IL7: variants seen among roughly 807,000 people sequenced by gnomAD.
The protein encoded by IL7 is interleukin 7.
In IL7, 3 loss-of-function variants were observed where a neutral mutation model predicts 21.6. The observed-to-expected ratio is 0.14, with a 90% CI of 0.06 to 0.36. The LOEUF (loss-of-function observed/expected upper bound fraction) is 0.36, where lower values mean the gene tolerates loss of function less well. IL7 is among the 10% of genes least tolerant of loss of function. IL7 has a pLI of 1.00. For missense variants in IL7, 175 were observed against 200.2 expected (o/e 0.87, Z 0.76); for synonymous variants, 62 against 68.1 (o/e 0.91, Z 0.44).
chr8:78,693,247 A>C (rs1400515006), intron 3 of IL7, among the ~76,000 whole-genome samples: 2 of 152,124 alleles, frequency 1.3e-5, no homozygotes, highest in African/African-American at 4.8e-5. Flanking sequence ...GTATATACCC[A>C]GTAATGGGAT....
At chr8:78,780,677 C>T (rs1326859703) in intron 2 of IL7, among the ~76,000 whole-genome samples, 1 of 151,998 alleles carries the variant, frequency 6.6e-6, no homozygotes, top group Non-Finnish European at 1.5e-5. Context: ...ACAGTAAGTG[C>T]CATGTGGTGC....
intron 3 of IL7, among the ~76,000 whole-genome samples, chr8:78,703,879 A>G (rs1465637035): frequency 6.6e-6 from 1 of 152,142 alleles, no homozygotes; most frequent in African/African-American, 2.4e-5. Context: ...TTACAGTATT[A>G]CTGGTCTGTG....
At chr8:78,776,367 G>A (rs1813139949) in intron 2 of IL7, among the ~76,000 whole-genome samples, 1 of 152,020 alleles carries the variant, frequency 6.6e-6, no homozygotes, top group Non-Finnish European at 1.5e-5. Context: ...ACTCAGAACG[G>A]CACACAATTT....
intron 3 of IL7, chr8:78,698,384 T>C (rs1170420986): frequency 5.8e-6 from 9 of 1,545,750 alleles, no homozygotes; most frequent in Middle Eastern, 3.4e-4. Flanking sequence ...TTTTAGAGTA[T>C]TGTTAAAAAT....
downstream of IL7, among the ~76,000 whole-genome samples, chr8:78,728,022 C>T (rs922458269): frequency 1.3e-5 from 2 of 151,978 alleles, no homozygotes; most frequent in Admixed American, 1.3e-4. Flanking sequence ...TAAAAGCACA[C>T]ATGTGCATAC....
rs569282892 is a variant in IL7, at chr8:78,762,233, G to A, written c.148-22151C>T. 8.2e-6 allele frequency: 13 copies of A among 1,577,740 alleles called. No individual in the cohort carries two copies. The East Asian group carries it at 2.0e-4, about 24-fold the overall frequency. On this transcript the variant is annotated intron_variant, in intron 2 of 5. Transcript: ENST00000263851. ...ATAAGGACCAGTTCTACAGATCATA[G>A]AGGTCTCAAAATGTTTGGCACATAA...
intron 2 of IL7, among the ~76,000 whole-genome samples, chr8:78,743,595 C>A (rs1811873597): frequency 6.6e-6 from 1 of 151,842 alleles, no homozygotes; most frequent in African/African-American, 2.4e-5. Context: ...TTACGAAATT[C>A]TTGTAGTGTG....
At position 78,766,463 on chromosome 8, in the gene IL7, C is replaced by T. The variant is rs375676111; in HGVS notation, c.148-26381G>A. ...TATACTTTCAGCTCAGCATCCTATG[C>T]CTATGCGTGTTAGGTCTGCAGGCAT... On this transcript the variant is annotated intron_variant, in intron 2 of 5. Coordinates refer to ENST00000263851, the MANE Select transcript of IL7 (RefSeq NM_000880.4). Among the ~76,000 whole-genome samples, 8 of 152,190 alleles carry T rather than the reference C, an allele frequency of 5.3e-5. No individual in the cohort carries two copies. In the East Asian group the frequency reaches 9.6e-4, roughly 18 times the overall value.
intron 2 of IL7, 37 bp downstream of exon 2, chr8:78,798,035 T>A (rs577091125): frequency 6.5e-7 from 1 of 1,542,202 alleles, no homozygotes. Context: ...ATTTTCCCAA[T>A]GCATGAAAAT....
chr8:78,747,285 A>G (rs1207026227), intron 2 of IL7, among the ~76,000 whole-genome samples: 2 of 146,676 alleles, frequency 1.4e-5, no homozygotes, highest in Non-Finnish European at 3.0e-5. Context: ...TCCTGGGTTC[A>G]AGCAATTCTC....
chr8:78,794,947 T>G (rs1031995924), intron 2 of IL7, among the ~76,000 whole-genome samples: 2 of 152,088 alleles, frequency 1.3e-5, no homozygotes, highest in Non-Finnish European at 2.9e-5. Context: ...CTTGTACATA[T>G]CAGGCCCTAA....
At chr8:78,786,688 G>A (rs981972146) in intron 2 of IL7, among the ~76,000 whole-genome samples, 6 of 152,076 alleles carry the variant, frequency 3.9e-5, no homozygotes, top group African/African-American at 1.2e-4. Flanking sequence ...ACATTGTGTC[G>A]TATGACTGTA....
chr8:78,684,461 AC>A (rs1809892186), intron 4 of IL7, among the ~76,000 whole-genome samples: 2 of 152,114 alleles, frequency 1.3e-5, no homozygotes, highest in Admixed American at 1.3e-4. Context: ...TGATTCAATT[AC>A]CTCCTACCGA....
intron 2 of IL7, among the ~76,000 whole-genome samples, chr8:78,783,555 C>T (rs533238830): frequency 5.9e-5 from 9 of 152,092 alleles, no homozygotes; most frequent in Non-Finnish European, 1.2e-4. Context: ...AGCTCTCACT[C>T]ATTAGTCTTA....
intron 4 of IL7, among the ~76,000 whole-genome samples, chr8:78,679,758 G>C (rs1042884810): frequency 2.6e-5 from 4 of 152,002 alleles, no homozygotes; most frequent in African/African-American, 9.7e-5. Context: ...ATTTTTCTAG[G>C]GGGAAATTAA....
At chr8:78,725,967 T>C (rs1327427847) in intron 3 of IL7, among the ~76,000 whole-genome samples, 1 of 151,936 alleles carries the variant, frequency 6.6e-6, no homozygotes, top group Non-Finnish European at 1.5e-5. Context: ...GTCAAAAATC[T>C]GTTTTTTTTT....
downstream of IL7, among the ~76,000 whole-genome samples, chr8:78,730,679 A>G (rs1217965775): frequency 1.5e-4 from 23 of 152,032 alleles, no homozygotes; most frequent in Non-Finnish European, 2.9e-5. Context: ...CAGTTCCTGT[A>G]GACTTGCTAA....
At chr8:78,776,805 G>T (rs957319601) in intron 2 of IL7, among the ~76,000 whole-genome samples, 1 of 138,986 alleles carries the variant, frequency 7.2e-6, no homozygotes, top group African/African-American at 2.5e-5. Context: ...CTAAGGCACA[G>T]AAGGATTAAG....
intron 3 of IL7, among the ~76,000 whole-genome samples, chr8:78,700,318 G>T (rs1810558767): frequency 6.6e-6 from 1 of 150,902 alleles, no homozygotes; most frequent in African/African-American, 2.4e-5. Context: ...GGGATTGTTT[G>T]TTTTTTTTCT....
Sources: gnomAD v4.1 joint callset for allele counts (sites outside exome capture counted in the v4.1 genomes callset) on GRCh38, gnomAD v4.1.1 for gene constraint, MANE v1.5 for transcripts, NCBI Gene and HGNC (gene_info 2026-07-23, HGNC 2026-07-21) for gene names.